Variants in KCNB2 observed in about 807,000 individuals in gnomAD.
KCNB2 encodes delayed rectifier potassium channel protein.
A neutral mutation model predicts 61.5 loss-of-function variants in KCNB2; 15 were observed. The ratio of observed to expected loss-of-function variants is 0.24; its 90% CI spans 0.16 to 0.38. KCNB2 has a LOEUF of 0.38. KCNB2 is among the 10% of genes least tolerant of loss of function. KCNB2 has a pLI of 1.00. For synonymous variants in KCNB2, 457 were observed against 446.0 expected (o/e 1.02, Z -0.31); for missense variants, 828 against 1,125.2 (o/e 0.74, Z 3.78).
intron 2 of KCNB2, among the ~76,000 whole-genome samples, chr8:72,769,879 C>T (rs2128997098): frequency 6.6e-6 from 1 of 152,218 alleles, no homozygotes; most frequent in Admixed American, 6.5e-5. Context: ...GTTTCCAACC[C>T]ATATTTATGG....
At chr8:72,699,034 C>T (rs1307980581) in intron 2 of KCNB2, among the ~76,000 whole-genome samples, 2 of 152,074 alleles carry the variant, frequency 1.3e-5, no homozygotes, top group Admixed American at 6.6e-5. Context: ...AGCTTCTGCA[C>T]AGCAACAGAA....
chr8:72,834,430 T>A (rs1034993312), intron 2 of KCNB2, among the ~76,000 whole-genome samples: 5 of 152,216 alleles, frequency 3.3e-5, no homozygotes, highest in African/African-American at 1.2e-4. Flanking sequence ...TCTGGAGCGA[T>A]GTGAGCATCA....
intron 2 of KCNB2, among the ~76,000 whole-genome samples, chr8:72,884,510 G>T (rs989623045): frequency 7.9e-5 from 12 of 151,852 alleles, no homozygotes; most frequent in African/African-American, 2.9e-4. Flanking sequence ...TTTATGTCTT[G>T]TTTAAGAAAC....
chr8:72,680,416 A>T (rs1417642859), intron 2 of KCNB2, among the ~76,000 whole-genome samples: 1 of 152,220 alleles, frequency 6.6e-6, no homozygotes, highest in Non-Finnish European at 1.5e-5. Flanking sequence ...CAATTCATTA[A>T]GTAAAAGCAA....
chr8:72,786,825 A>G (rs1808852268), intron 2 of KCNB2, among the ~76,000 whole-genome samples: 1 of 152,204 alleles, frequency 6.6e-6, no homozygotes, highest in Non-Finnish European at 1.5e-5. Flanking sequence ...TAATCATTGG[A>G]AAAAGAGACT....
At chr8:72,572,262 A>ATG in intron 2 of KCNB2, among the ~76,000 whole-genome samples, 1 of 152,288 alleles carries the variant, frequency 6.6e-6, no homozygotes, top group African/African-American at 2.4e-5. Flanking sequence ...GCATAAGTGG[A>ATG]TGTGTGTGCC....
chr8:72,831,212 T>G (rs771354908), intron 2 of KCNB2, among the ~76,000 whole-genome samples: 1 of 152,210 alleles, frequency 6.6e-6, no homozygotes, highest in Non-Finnish European at 1.5e-5. Context: ...AAGAGCTCTG[T>G]GCTCACCAAA....
At chr8:72,580,884 A>C (rs1212066922) in intron 2 of KCNB2, among the ~76,000 whole-genome samples, 1 of 152,176 alleles carries the variant, frequency 6.6e-6, no homozygotes, top group Non-Finnish European at 1.5e-5. Context: ...CAACAGAATT[A>C]AAATATGTCT....
At chr8:72,730,103 A>T (rs973151109) in intron 2 of KCNB2, among the ~76,000 whole-genome samples, 1 of 152,120 alleles carries the variant, frequency 6.6e-6, no homozygotes, top group African/African-American at 2.4e-5. Flanking sequence ...CATCCCACAT[A>T]GGAAGCCCCC....
intron 2 of KCNB2, among the ~76,000 whole-genome samples, chr8:72,913,638 C>T (rs1015976044): frequency 6.6e-6 from 1 of 152,158 alleles, no homozygotes; most frequent in Non-Finnish European, 1.5e-5. Context: ...GGCCACAATG[C>T]ACTCTCAACT....
intron 2 of KCNB2, among the ~76,000 whole-genome samples, chr8:72,598,021 A>G (rs917945265): frequency 6.6e-6 from 1 of 152,208 alleles, no homozygotes. Flanking sequence ...ATAAAGACAC[A>G]TGCATACATG....
intron 2 of KCNB2, among the ~76,000 whole-genome samples, chr8:72,683,388 T>C (rs1469773076): frequency 6.6e-6 from 1 of 152,146 alleles, no homozygotes; most frequent in African/African-American, 2.4e-5. Flanking sequence ...AAGAAAACAA[T>C]AAAATCCATT....
In KCNB2 at chr8:72,937,909, G is replaced by A. The variant is rs1271117316; in HGVS notation, c.2554G>A (p.Gly852Ser). The A allele has an allele frequency of 4.3e-6, 7 of 1,613,954 alleles. No homozygotes were observed. The highest frequency in any genetic ancestry group is 3.3e-4 in the Middle Eastern group (2 of 6,084). ...RDPLREEGSV[G>S]SSSPQDTGHN... is the part of the protein sequence containing the mutation. ...CCCTTTAAGAGAAGAGGGCAGTGTG[G>A]GCTCTTCCTCCCCGCAGGACACAGG... The change falls in exon 3 of 3, where the codon GGC becomes AGC. Residue 852 changes from glycine to serine, a missense_variant. Physicochemically the swap from Gly to Ser is moderately conservative, Grantham distance 56. This residue lies in a region of KCNB2 where 559 missense variants were observed against 588.4 expected (regional missense o/e 0.95). Transcript: ENST00000523207.
At chr8:72,573,849 G>C (rs1333099125) in intron 2 of KCNB2, among the ~76,000 whole-genome samples, 1 of 152,188 alleles carries the variant, frequency 6.6e-6, no homozygotes, top group East Asian at 1.9e-4. Context: ...TCTGCAGTGG[G>C]CTAATTAGCA....
At chr8:72,742,205 T>C (rs533170954) in intron 2 of KCNB2, among the ~76,000 whole-genome samples, 1 of 152,352 alleles carries the variant, frequency 6.6e-6, no homozygotes, top group East Asian at 1.9e-4. Context: ...TTTGCCATAG[T>C]TTAAAACTGT....
chr8:72,870,330 C>A (rs77611909), intron 2 of KCNB2, among the ~76,000 whole-genome samples: 1,818 of 152,182 alleles, frequency 0.012, 40 homozygotes, highest in African/African-American at 0.042. Flanking sequence ...GAGGGTAGAT[C>A]TCAAGTGTTC....
At chr8:72,540,148 T>C (rs143747555) in intron 1 of KCNB2, among the ~76,000 whole-genome samples, 138 of 152,324 alleles carry the variant, frequency 9.1e-4, no homozygotes, top group African/African-American at 3.0e-3. Context: ...GTATAACATA[T>C]TGTGAAAGTA....
In KCNB2 at chr8:72,937,941, C is replaced by A. The variant is rs1284609531; in HGVS notation, c.2586C>A (p.Asn862Lys). 8.1e-6 allele frequency: 13 copies of A among 1,613,982 alleles called. No homozygotes were observed. The highest frequency in any genetic ancestry group is 1.0e-5 in the Non-Finnish European group (12 of 1,180,032). Residue 862 changes from asparagine to lysine, a missense_variant, in exon 3 of 3, where the codon AAC becomes AAA. By Grantham distance (94) the Asn-to-Lys change is moderately conservative. Around this residue, in one of 4 missense-constraint regions of KCNB2, gnomAD observed 559 missense variants for 588.4 expected, o/e 0.95. Coordinates refer to ENST00000523207, the MANE Select transcript of KCNB2 (RefSeq NM_004770.3). ...GSSSPQDTGH[N>K]CRQDIYHAVS... ...CCTCCCCGCAGGACACAGGTCACAA[C>A]TGTAGGCAAGACATTTACCATGCTG...
At position 72,832,976 on chromosome 8, in the gene KCNB2, A is replaced by G. The variant is rs368316526; in HGVS notation, c.580-102959A>G. Among the ~76,000 whole-genome samples, 12 of 152,374 alleles carry G rather than the reference A, an allele frequency of 7.9e-5. No individual in the cohort carries two copies. The East Asian group carries it at 1.3e-3, about 17-fold the overall frequency. ...CAAAGGCAGCCATGCCTCTGCTCAA[A>G]GACAGAAAGATACATAGGAGACCTA... On this transcript the variant is annotated intron_variant, in intron 2 of 2. Coordinates refer to ENST00000523207, the MANE Select transcript of KCNB2 (RefSeq NM_004770.3).
Sources: allele counts gnomAD v4.1 joint callset (sites outside exome capture counted in the v4.1 genomes callset), GRCh38; gene constraint gnomAD v4.1.1; regional missense constraint gnomAD v4.1.1; transcripts MANE v1.5; gene names NCBI Gene and HGNC (gene_info 2026-07-23, HGNC 2026-07-21).